Variants in TRIM50 observed in about 807,000 individuals in gnomAD.
TRIM50 encodes the protein E3 ubiquitin-protein ligase TRIM50.
Under a neutral mutation model 44.9 loss-of-function variants are expected in TRIM50, and 34 were observed. The ratio of observed to expected loss-of-function variants is 0.76; its 90% CI spans 0.58 to 1.01. TRIM50 has a LOEUF of 1.01. Among genes scored for constraint, TRIM50 ranks in the 50% least tolerant of loss-of-function variants. The pLI, the probability that TRIM50 is intolerant of heterozygous loss-of-function variation, is 0.00. For missense variants in TRIM50, 633 were observed against 663.7 expected (o/e 0.95, Z 0.51); for synonymous variants, 307 against 291.1 (o/e 1.05, Z -0.56).
chr7:73,325,619 T>TC (rs1804606787), intron 1 of TRIM50: 1 of 153,820 alleles, frequency 6.5e-6, no homozygotes, highest in African/African-American at 2.4e-5. Context: ...CCTTCTCTCC[T>TC]CCCCTTTCCC....
intron 5 of TRIM50, 118 bp downstream of exon 5, chr7:73,318,569 C>G: frequency 6.2e-7 from 1 of 1,600,170 alleles, no homozygotes; most frequent in Non-Finnish European, 8.5e-7. Flanking sequence ...AGTTATAGAG[C>G]CAGCTGTGGG....
At chr7:73,320,283 T>C in intron 2 of TRIM50, 41 bp from the exon 3 acceptor site, 8 of 1,613,016 alleles carry the variant, frequency 5.0e-6, no homozygotes, top group Non-Finnish European at 6.8e-6. Flanking sequence ...AGCTGATCCC[T>C]CCCCTTCTCA....
At chr7:73,316,734 GC>G in intron 5 of TRIM50, 45 bp from the exon 6 acceptor site, 1 of 1,599,080 alleles carries the variant, frequency 6.3e-7, no homozygotes. Flanking sequence ...GTATCACGTG[GC>G]CCACCCCACC....
At chr7:73,325,949 G>T (rs1473381317) in intron 1 of TRIM50, among the ~76,000 whole-genome samples, 1 of 152,114 alleles carries the variant, frequency 6.6e-6, no homozygotes, top group Non-Finnish European at 1.5e-5. Flanking sequence ...GTGCAGTGGC[G>T]TGGTCATAGC....
rs1228278438 is a variant in TRIM50 at position 73,328,019 on chromosome 7, C to G, written c.-138G>C. 14 of 649,290 alleles carry G rather than the reference C, an allele frequency of 2.2e-5. No individual in the cohort carries two copies. The highest frequency in any genetic ancestry group is 8.3e-5 in the East Asian group (3 of 36,146). The allele number at this position is 649,290 out of a possible 1,614,324, so 40.2% of individuals were successfully genotyped here. ...CTAACCCCCCACGTCCGTGCCTCAT[C>G]ATGACCCGCACGCTATGGTTACATG... On this transcript the variant is annotated 5_prime_UTR_variant, in exon 1 of 7. It removes an upstream start codon present in the reference 5' UTR. Transcript: ENST00000333149.
In TRIM50 at chr7:73,312,804, G is replaced by T; in HGVS notation, c.*117C>A. 1 of 761,190 alleles carries T rather than the reference G, an allele frequency of 1.3e-6. No individual in the cohort carries two copies. Among genetic ancestry groups the T allele is most frequent in the Non-Finnish European group, 2.1e-6 (1 of 484,954 alleles). The allele number at this position is 761,190 out of a possible 1,614,324, so 47.2% of individuals were successfully genotyped here. A position where few individuals can be genotyped will look rare whatever the true frequency, so the allele number is the denominator to read the frequency against. On this transcript the variant is annotated 3_prime_UTR_variant, in exon 7 of 7. Transcript: ENST00000333149. ...CATTACATGTTCCAGGGACACACAG[G>T]CCTGAAGACCTTCCTAAACAGTGAC...
intron 1 of TRIM50, among the ~76,000 whole-genome samples, chr7:73,327,492 A>ATCAG (rs1554546403): frequency 6.6e-6 from 1 of 152,122 alleles, no homozygotes; most frequent in East Asian, 1.9e-4. Flanking sequence ...CAATCAATCA[A>ATCAG]TCAATCAATC....
chr7:73,315,454 G>A (rs1804334331), intron 6 of TRIM50, among the ~76,000 whole-genome samples: 4 of 151,596 alleles, frequency 2.6e-5, no homozygotes, highest in South Asian at 4.2e-4. Context: ...CCAACTCCTG[G>A]GCTCAAGCAA....
At chr7:73,314,509 C>A in intron 6 of TRIM50, 1 of 372,814 alleles carries the variant, frequency 2.7e-6, no homozygotes, top group South Asian at 2.2e-5. Flanking sequence ...GGCCACCTGT[C>A]CTTGGAGCAG....
Position 73,312,691 on chromosome 7 carries a change from G to A in TRIM50, c.*230C>T, listed in dbSNP as rs539719798. On this transcript the variant is annotated 3_prime_UTR_variant, in exon 7 of 7. Transcript: ENST00000333149. The stretch of plus-strand genomic sequence containing the variant: ...AGTGGCAGGAACCATGGGGATTTCA[G>A]TGTGTCCCTGGCTGCCAAGGCCTGG... 1.4e-4 allele frequency: 73 copies of A among 521,944 alleles called. No homozygotes were observed. Among genetic ancestry groups the A allele is most frequent in the Admixed American group, 1.3e-3 (35 of 27,856 alleles). The allele number at this position is 521,944 out of a possible 1,614,324, so 32.3% of individuals were successfully genotyped here.
rs782556780 is a variant in TRIM50, at chr7:73,313,181, G to C, written c.1204C>G (p.Arg402Gly). 2.9e-5 allele frequency: 46 copies of C among 1,588,290 alleles called. No individual in the cohort carries two copies. Among genetic ancestry groups the C allele is most frequent in the Middle Eastern group, 1.7e-4 (1 of 6,048 alleles). ...TGGCCGGCCACGGGCAGGGGTACCC[G>C]GGGGCAGGCAAAGGCTTCGTACACC... ...GRVYEAFACP[R>G]VPLPVAGHPH... The change falls in exon 7 of 7, where the codon CGG (arginine) becomes GGG (glycine). Residue 402 changes from arginine (R) to glycine (G), a missense_variant. Physicochemically the swap from Arg to Gly is moderately radical, Grantham distance 125. Coordinates refer to ENST00000333149, the MANE Select transcript of TRIM50 (RefSeq NM_178125.3). The surrounding 1 kb of genome is among the most constrained non-coding windows in gnomAD (Gnocchi z 4.9).
At chr7:73,314,219 T>A in intron 6 of TRIM50, 1 of 352,866 alleles carries the variant, frequency 2.8e-6, no homozygotes, top group Non-Finnish European at 5.3e-6. Flanking sequence ...GCCTAAGACT[T>A]TTGGCACTGG....
At chr7:73,315,920 G>C (rs1423366630) in intron 6 of TRIM50, among the ~76,000 whole-genome samples, 3 of 133,386 alleles carry the variant, frequency 2.2e-5, no homozygotes, top group Non-Finnish European at 4.8e-5. Flanking sequence ...TGCTCTTGTT[G>C]CCCAGGCTGG....
chr7:73,319,634 A>C (rs1360340463), intron 3 of TRIM50, among the ~76,000 whole-genome samples: 2 of 152,212 alleles, frequency 1.3e-5, no homozygotes, highest in Non-Finnish European at 2.9e-5. Context: ...TGAGGAGGGT[A>C]AATGAGGGAG....
In TRIM50 at chr7:73,312,924, C is replaced by T; in HGVS notation, c.1461G>A (p.Leu487=). The T allele has an allele frequency of 6.5e-7, 1 of 1,538,318 alleles. No homozygotes were observed. The highest frequency in any genetic ancestry group is 1.2e-5 in the South Asian group (1 of 83,122). ...GCCGGCAGGACTCCGGGCGGCCCTA[C>T]AGCTTGGTGGGCTGCTCGGGGCTGA... ...GPLSPEQPTK[L] The change falls in exon 7 of 7, where the codon CTG becomes CTA. Residue 487 remains leucine (L), a synonymous_variant. Transcript: ENST00000333149.
At position 73,313,094 on chromosome 7, in the gene TRIM50, C is replaced by A; in HGVS notation, c.1291G>T (p.Asp431Tyr). The A allele has an allele frequency of 6.3e-7, 1 of 1,592,474 alleles. No individual in the cohort carries two copies. The highest frequency in any genetic ancestry group is 8.5e-7 in the Non-Finnish European group (1 of 1,170,160). The change falls in exon 7 of 7, where the codon GAC (aspartate) becomes TAC (tyrosine). Residue 431 changes from aspartate to tyrosine, a missense_variant. Asp to Tyr is a radical substitution (Grantham distance 160). Coordinates refer to ENST00000333149, the MANE Select transcript of TRIM50 (RefSeq NM_178125.3). This position sits in a 1 kb window ranked among gnomAD's most constrained non-coding sequence, Gnocchi z 4.9. ...EQGELTFFDA[D>Y]RPDDLRPLYT... ...AGCGGCCGCAGGTCATCGGGGCGGT[C>A]GGCATCGAAGAAGGTGAGTTCGCCC...
chr7:73,321,898 G>A (rs562983635), intron 2 of TRIM50: 1 of 152,186 alleles, frequency 6.6e-6, no homozygotes, highest in Admixed American at 6.5e-5. Flanking sequence ...TTCCTTCCCC[G>A]TGAGAGGAAC....
intron 1 of TRIM50, among the ~76,000 whole-genome samples, 159 bp from the exon 2 acceptor site, chr7:73,324,964 G>A (rs2950500): frequency 4.6e-5 from 7 of 151,670 alleles, no homozygotes; most frequent in African/African-American, 1.2e-4. Flanking sequence ...CCCAGTTTCC[G>A]CAGCTGTAAA....
chr7:73,316,766 G>T lies in TRIM50; in HGVS notation c.750-77C>A, dbSNP rs1215855281. ...CCACCCCTCCATCCTATCTATGTTTGCCCAGCCAGATCCACAGTGCAGGAC... is the reference window on the plus strand; with the variant it reads ...CCACCCCTCCATCCTATCTATGTTTTCCCAGCCAGATCCACAGTGCAGGAC... On this transcript the variant is annotated intron_variant, in intron 5 of 6. Coordinates refer to ENST00000333149, the MANE Select transcript of TRIM50 (RefSeq NM_178125.3). 9 of 1,567,404 alleles carry T rather than the reference G, an allele frequency of 5.7e-6. No individual in the cohort carries two copies. In the Admixed American group the frequency reaches 8.8e-5, roughly 15 times the overall value.
Sources: gnomAD v4.1 joint callset for allele counts (sites outside exome capture counted in the v4.1 genomes callset) on GRCh38, gnomAD v4.1.1 for gene constraint, Gnocchi (gnomAD v3.1) non-coding constraint, MANE v1.5 for transcripts, NCBI Gene and HGNC (gene_info 2026-07-23, HGNC 2026-07-21) for gene names.